Variants in IGF1R observed in about 807,000 individuals in gnomAD.
IGF1R encodes insulin-like growth factor 1 receptor.
In IGF1R, 44 loss-of-function variants were observed where a neutral mutation model predicts 144.6. The observed-to-expected ratio is 0.30, with a 90% CI of 0.24 to 0.39. The LOEUF (loss-of-function observed/expected upper bound fraction) is 0.39, where lower values mean the gene tolerates loss of function less well. Among genes scored for constraint, IGF1R ranks in the 10% least tolerant of loss-of-function variants. The pLI is 1.00. For synonymous variants in IGF1R, 795 were observed against 722.8 expected (o/e 1.10, Z -1.60); for missense variants, 1,355 against 1,833.7 (o/e 0.74, Z 4.77).
intron 1 of IGF1R, among the ~76,000 whole-genome samples, chr15:98,673,213 CTG>C (rs2052943742): frequency 6.6e-6 from 1 of 152,134 alleles, no homozygotes; most frequent in South Asian, 2.1e-4. Flanking sequence ...GTTTTATACT[CTG>C]TAGCTGATTG....
chr15:98,801,558 A>G lies in IGF1R; in HGVS notation c.641-89767A>G, dbSNP rs1370435005. Among the ~76,000 whole-genome samples, 13 of 152,320 alleles carry G rather than the reference A, an allele frequency of 8.5e-5. 1 individual carries two copies. In the East Asian group the frequency reaches 1.9e-3, roughly 23 times the overall value. On this transcript the variant is annotated intron_variant, in intron 2 of 20. Coordinates refer to ENST00000650285, the MANE Select transcript of IGF1R (RefSeq NM_000875.5). ...CCTTTCCTTGATGATCGAGCTGTGC[A>G]CAGGGAGCAAACCCCAAGCCGACTG...
intron 2 of IGF1R, among the ~76,000 whole-genome samples, chr15:98,760,966 A>T (rs1328266787): frequency 6.6e-6 from 1 of 152,254 alleles, no homozygotes; most frequent in East Asian, 1.9e-4. Flanking sequence ...TATATACTGA[A>T]CAGCTTCGTC....
At chr15:98,787,546 C>T (rs2056027284) in intron 2 of IGF1R, among the ~76,000 whole-genome samples, 1 of 152,094 alleles carries the variant, frequency 6.6e-6, no homozygotes, top group Non-Finnish European at 1.5e-5. Context: ...CTTTGGGAAG[C>T]AGATGTAGAG....
rs1178294655 is a variant in IGF1R at position 98,957,093 on chromosome 15, A to G, written c.3755A>G (p.Asn1252Ser). ...CTGATGCGCATGTGCTGGCAGTATA[A>G]CCCCAAGATGAGGCCTTCCTTCCTG... ...FELMRMCWQY[N>S]PKMRPSFLEI... Residue 1252 changes from asparagine (N) to serine (S), a missense_variant, in exon 21 of 21, where the codon AAC becomes AGC. Asn to Ser is a conservative substitution (Grantham distance 46, BLOSUM62 1). Around this residue, in one of 7 missense-constraint regions of IGF1R, gnomAD observed 219 missense variants for 188.8 expected, o/e 1.16. Coordinates refer to ENST00000650285, the MANE Select transcript of IGF1R (RefSeq NM_000875.5). 7 of 1,614,190 alleles carry G rather than the reference A, an allele frequency of 4.3e-6. No homozygotes were observed. The highest frequency in any genetic ancestry group is 5.9e-6 in the Non-Finnish European group (7 of 1,180,040).
chr15:98,885,204 G>C (rs568956200), intron 2 of IGF1R, among the ~76,000 whole-genome samples: 1 of 152,164 alleles, frequency 6.6e-6, no homozygotes, highest in Non-Finnish European at 1.5e-5. Context: ...CTGAGTCCCC[G>C]AACCTGCCAC....
At chr15:98,827,444 A>C (rs774002548) in intron 2 of IGF1R, among the ~76,000 whole-genome samples, 30 of 152,192 alleles carry the variant, frequency 2.0e-4, no homozygotes, top group Non-Finnish European at 2.5e-4. Context: ...AAGAGCCAGG[A>C]CTAGATTTCA....
At chr15:98,869,275 G>A (rs186820444) in intron 2 of IGF1R, among the ~76,000 whole-genome samples, 6 of 147,004 alleles carry the variant, frequency 4.1e-5, no homozygotes, top group Non-Finnish European at 7.4e-5. Flanking sequence ...AAGAGATTTC[G>A]AGACAGCTTT....
chr15:98,696,577 T>C (rs541806633), intron 1 of IGF1R, among the ~76,000 whole-genome samples: 1 of 152,236 alleles, frequency 6.6e-6, no homozygotes, highest in Non-Finnish European at 1.5e-5. Flanking sequence ...TATTGTAGTT[T>C]ACGGCTTCTG....
In IGF1R at chr15:98,958,928, A is replaced by AC. The variant is rs2017118266; in HGVS notation, c.*1488dup. Reference sequence around the variant, plus strand: ...AAATACATCCCCCATCCCTGCTCCCACCTGCCCCTTTAGTTGTTTTCTAAC... The same window carrying AC: ...AAATACATCCCCCATCCCTGCTCCCACCCTGCCCCTTTAGTTGTTTTCTAAC... On this transcript the variant is annotated 3_prime_UTR_variant, in exon 21 of 21. Coordinates refer to ENST00000650285, the MANE Select transcript of IGF1R (RefSeq NM_000875.5). The AC allele has an allele frequency of 1.7e-5, 4 of 233,158 alleles. No homozygotes were observed. The Admixed American group carries it at 2.3e-4, about 13-fold the overall frequency. 14.4% of individuals were successfully genotyped at this position (233,158 alleles called of 1,614,324 possible). A position where few individuals can be genotyped will look rare whatever the true frequency, so the allele number is the denominator to read the frequency against.
At chr15:98,868,825 C>T (rs1428517465) in intron 2 of IGF1R, among the ~76,000 whole-genome samples, 4 of 152,162 alleles carry the variant, frequency 2.6e-5, no homozygotes, top group Admixed American at 1.3e-4. Flanking sequence ...AGGTACCTTC[C>T]TACTACTACT....
intron 20 of IGF1R, among the ~76,000 whole-genome samples, chr15:98,949,379 C>CTT (rs5814914): frequency 0.036 from 4,818 of 135,280 alleles, 154 homozygotes; most frequent in Middle Eastern, 0.065. Flanking sequence ...TCTCACTGCA[C>CTT]TTTTTTTTTT....
At chr15:98,845,130 G>C (rs2011260878) in intron 2 of IGF1R, among the ~76,000 whole-genome samples, 1 of 152,132 alleles carries the variant, frequency 6.6e-6, no homozygotes, top group African/African-American at 2.4e-5. Context: ...GTATTCAGTA[G>C]ACGGTCAGTA....
At chr15:98,742,875 A>G (rs1411422218) in intron 2 of IGF1R, among the ~76,000 whole-genome samples, 2 of 152,044 alleles carry the variant, frequency 1.3e-5, no homozygotes, top group East Asian at 3.9e-4. Flanking sequence ...CGTCTCTACT[A>G]AAAATACAAG....
intron 2 of IGF1R, among the ~76,000 whole-genome samples, chr15:98,751,224 G>A (rs1180307986): frequency 6.6e-6 from 1 of 152,048 alleles, no homozygotes; most frequent in East Asian, 1.9e-4. Context: ...TTTAAGAGCT[G>A]TGTTCTTGCT....
intron 1 of IGF1R, among the ~76,000 whole-genome samples, chr15:98,651,692 G>C (rs758505142): frequency 6.6e-6 from 1 of 152,160 alleles, no homozygotes; most frequent in African/African-American, 2.4e-5. Flanking sequence ...CGATTTTTGA[G>C]AACACAGGCA....
intron 1 of IGF1R, among the ~76,000 whole-genome samples, chr15:98,671,702 C>T (rs2141197210): frequency 2.0e-5 from 3 of 152,324 alleles, no homozygotes; most frequent in Middle Eastern, 3.4e-3. Context: ...CAGCCATTTC[C>T]CACTTCCTGA....
At chr15:98,742,460 G>A (rs2054768461) in intron 2 of IGF1R, among the ~76,000 whole-genome samples, 1 of 152,122 alleles carries the variant, frequency 6.6e-6, no homozygotes, top group African/African-American at 2.4e-5. Context: ...GGCTGCTCCT[G>A]GAGCATCTTT....
chr15:98,719,790 CCTTGA>C (rs1350768604), intron 2 of IGF1R, among the ~76,000 whole-genome samples: 4 of 152,102 alleles, frequency 2.6e-5, no homozygotes, highest in Non-Finnish European at 5.9e-5. Context: ...GACTTGAGAC[CCTTGA>C]CTTGACTCGG....
intron 1 of IGF1R, among the ~76,000 whole-genome samples, chr15:98,664,872 T>C (rs116504727): frequency 0.01 from 1,524 of 151,382 alleles, 26 homozygotes; most frequent in African/African-American, 0.035. Context: ...AAAAAAAAAA[T>C]ACCCTTTGGG....
Sources: gnomAD v4.1 joint callset for allele counts (sites outside exome capture counted in the v4.1 genomes callset) on GRCh38, gnomAD v4.1.1 for gene constraint, gnomAD v4.1.1 regional missense constraint, MANE v1.5 for transcripts, NCBI Gene and HGNC (gene_info 2026-07-23, HGNC 2026-07-21) for gene names.